The following CRYBG3 variants were observed in gnomAD, a reference collection of about 807,000 sequenced individuals.
CRYBG3 encodes the protein crystallin beta-gamma domain containing 3, also known as very large A-kinase anchor protein.
Under a neutral mutation model 244.2 loss-of-function variants are expected in CRYBG3, and 127 were observed. That is an observed-to-expected ratio of 0.52 (90% CI 0.45 to 0.60). The LOEUF (loss-of-function observed/expected upper bound fraction) is 0.60. Among genes scored for constraint, CRYBG3 ranks in the 20% least tolerant of loss-of-function variants. The pLI, the probability that CRYBG3 is intolerant of heterozygous loss-of-function variation, is 0.00. For synonymous variants in CRYBG3, 1,132 were observed against 1,195.8 expected (o/e 0.95, Z 1.10); for missense variants, 3,325 against 3,442.5 (o/e 0.97, Z 0.85).
At chr3:97,919,682 T>C (rs1176085647) in intron 17 of CRYBG3, among the ~76,000 whole-genome samples, 1 of 135,994 alleles carries the variant, frequency 7.4e-6, no homozygotes, top group African/African-American at 2.7e-5. Context: ...TTAGGAGTAA[T>C]CATACTGGGT....
At chr3:97,880,776 T>A (rs561515459) in intron 6 of CRYBG3, among the ~76,000 whole-genome samples, 1 of 152,358 alleles carries the variant, frequency 6.6e-6, no homozygotes, top group African/African-American at 2.4e-5. Flanking sequence ...CTGTATAGTT[T>A]CGTATAGACC....
chr3:97,840,935 A>C (rs530568486), intron 1 of CRYBG3, among the ~76,000 whole-genome samples: 1 of 152,152 alleles, frequency 6.6e-6, no homozygotes, highest in African/African-American at 2.4e-5. Context: ...AAATAGACCA[A>C]AATCAATTCA....
chr3:97,920,857 TATCTC>T (rs1002857958), intron 17 of CRYBG3, among the ~76,000 whole-genome samples: 2 of 152,138 alleles, frequency 1.3e-5, no homozygotes, highest in African/African-American at 4.8e-5. Context: ...CTTTTCCTCT[TATCTC>T]CTTTCCATTG....
chr3:97,889,163 C>T (rs967988116), intron 9 of CRYBG3, among the ~76,000 whole-genome samples, 192 bp from the exon 10 acceptor site: 2 of 152,130 alleles, frequency 1.3e-5, no homozygotes, highest in Non-Finnish European at 2.9e-5. Flanking sequence ...TGATGAGGAA[C>T]ACTATAACTT....
chr3:97,836,314 G>A (rs2038732364), intron 1 of CRYBG3, among the ~76,000 whole-genome samples: 1 of 151,932 alleles, frequency 6.6e-6, no homozygotes, highest in South Asian at 2.1e-4. Flanking sequence ...TAAAATTGCA[G>A]CTTTTAGTTA....
chr3:97,917,665 T>G (rs1355360944), intron 17 of CRYBG3, among the ~76,000 whole-genome samples: 1 of 152,108 alleles, frequency 6.6e-6, no homozygotes, highest in Admixed American at 6.6e-5. Flanking sequence ...AATAAGTGGA[T>G]TCTAGTGACT....
intron 2 of CRYBG3, among the ~76,000 whole-genome samples, chr3:97,858,135 G>C (rs961366957): frequency 6.7e-6 from 1 of 148,976 alleles, no homozygotes; most frequent in African/African-American, 2.5e-5. Flanking sequence ...ATTTCTGAGG[G>C]ATAGCTTTGC....
intron 1 of CRYBG3, among the ~76,000 whole-genome samples, chr3:97,828,982 T>G (rs938694491): frequency 6.6e-6 from 1 of 152,026 alleles, no homozygotes; most frequent in African/African-American, 2.4e-5. Context: ...TTTGGGGGTA[T>G]GGGGAACTGA....
At chr3:97,939,209 T>C (rs1026857269) in intron 19 of CRYBG3, among the ~76,000 whole-genome samples, 1 of 152,016 alleles carries the variant, frequency 6.6e-6, no homozygotes, top group Non-Finnish European at 1.5e-5. Context: ...ACAAGAATAG[T>C]ATGCTATTTT....
At chr3:97,940,319 T>C (rs1203114099) in intron 19 of CRYBG3, among the ~76,000 whole-genome samples, 1 of 152,056 alleles carries the variant, frequency 6.6e-6, no homozygotes. Context: ...AGCATCCTGG[T>C]TAAGAGGAAC....
chr3:97,880,203 T>A (rs752484633), intron 6 of CRYBG3, 103 bp downstream of exon 6: 10 of 597,510 alleles, frequency 1.7e-5, no homozygotes, highest in Non-Finnish European at 2.6e-5. Flanking sequence ...CATATTCTCC[T>A]TCCTCTACTT....
In CRYBG3 at chr3:97,874,847, AAC is replaced by A; in HGVS notation, c.3659_3660del (p.Thr1220SerfsTer25). 1 of 1,535,912 alleles carries A rather than the reference AAC, an allele frequency of 6.5e-7. No homozygotes were observed. The highest frequency in any genetic ancestry group is 1.2e-5 in the South Asian group (1 of 84,036). On this transcript the variant is annotated frameshift_variant, in exon 4 of 22. Transcript: ENST00000389622. LOFTEE classifies it high-confidence loss of function. Reference sequence around the variant, plus strand: ...TCTGTCAGGGAAGAACTAAAATTCAAACACACAGTGAGTACCTGCCAGGAGCA... The same window carrying A: ...TCTGTCAGGGAAGAACTAAAATTCAAACACAGTGAGTACCTGCCAGGAGCA...
chr3:97,887,646 C>T (rs2039524963), intron 8 of CRYBG3, among the ~76,000 whole-genome samples: 1 of 152,138 alleles, frequency 6.6e-6, no homozygotes. Context: ...ATCCCAGTAA[C>T]TTGGGAGGCT....
At chr3:97,884,058 A>G (rs557698806) in intron 7 of CRYBG3, among the ~76,000 whole-genome samples, 1 of 152,188 alleles carries the variant, frequency 6.6e-6, no homozygotes, top group Non-Finnish European at 1.5e-5. Flanking sequence ...ACAGTTAGTT[A>G]CGTATTTTGT....
chr3:97,847,178 C>T (rs952849891), intron 2 of CRYBG3, among the ~76,000 whole-genome samples: 2 of 152,148 alleles, frequency 1.3e-5, no homozygotes, highest in Non-Finnish European at 2.9e-5. Flanking sequence ...CCACCAGGCC[C>T]CACCTCCAAC....
intron 2 of CRYBG3, among the ~76,000 whole-genome samples, chr3:97,862,778 ATCT>A (rs2307804): frequency 0.85 from 129,351 of 151,760 alleles, 55,458 homozygotes; most frequent in African/African-American, 0.94. Context: ...TGTCTCTAGA[ATCT>A]GGCTGGTGAC....
chr3:97,852,273 A>C (rs570200581), intron 2 of CRYBG3, among the ~76,000 whole-genome samples: 1 of 152,340 alleles, frequency 6.6e-6, no homozygotes, highest in East Asian at 1.9e-4. Flanking sequence ...GAGTATTCAG[A>C]GAGTAAGAAG....
intron 3 of CRYBG3, among the ~76,000 whole-genome samples, chr3:97,869,044 C>G (rs1210765226): frequency 2.0e-5 from 3 of 150,426 alleles, no homozygotes; most frequent in Non-Finnish European, 4.4e-5. Context: ...GACTCTGTAT[C>G]TTCATATGTT....
intron 2 of CRYBG3, among the ~76,000 whole-genome samples, chr3:97,860,903 C>G (rs2039136518): frequency 6.6e-6 from 1 of 152,030 alleles, no homozygotes. Context: ...AATTGTGCCT[C>G]TGTTTATCAG....
Sources: allele counts gnomAD v4.1 joint callset (sites outside exome capture counted in the v4.1 genomes callset), GRCh38; gene constraint gnomAD v4.1.1; transcripts MANE v1.5; gene names NCBI Gene and HGNC (gene_info 2026-07-23, HGNC 2026-07-21).